The following IMMP2L variants were observed in gnomAD, a reference collection of about 807,000 sequenced individuals.
IMMP2L encodes the protein inner mitochondrial membrane peptidase subunit 2, also known as mitochondrial inner membrane protease subunit 2.
IMMP2L carries 18 observed loss-of-function variants against 19.3 expected under a neutral mutation model. That is an observed-to-expected ratio of 0.93 (90% confidence interval 0.64 to 1.38). The LOEUF is 1.38. IMMP2L is among the 40% of genes most tolerant of loss of function. IMMP2L has a pLI of 0.00. For synonymous variants in IMMP2L, 76 were observed against 73.0 expected (o/e 1.04, Z -0.21); for missense variants, 233 against 218.2 (o/e 1.07, Z -0.43).
chr7:110,735,438 A>G (rs1562945439), intron 5 of IMMP2L, among the ~76,000 whole-genome samples: 1 of 151,850 alleles, frequency 6.6e-6, no homozygotes, highest in Non-Finnish European at 1.5e-5. Context: ...TGAAACAACC[A>G]ACTTCAGGTG....
intron 5 of IMMP2L, among the ~76,000 whole-genome samples, chr7:110,796,669 G>A (rs541988356): frequency 5.3e-5 from 8 of 151,878 alleles, no homozygotes; most frequent in Non-Finnish European, 8.8e-5. Flanking sequence ...AACAGTTTAA[G>A]CTAGATAAGG....
chr7:111,068,471 T>C (rs892133567), intron 3 of IMMP2L, among the ~76,000 whole-genome samples: 9 of 152,134 alleles, frequency 5.9e-5, no homozygotes, highest in Non-Finnish European at 1.2e-4. Flanking sequence ...TGTCATTTTA[T>C]GAATATTTTG....
At chr7:111,242,510 G>A (rs1815212354) in intron 3 of IMMP2L, among the ~76,000 whole-genome samples, 1 of 152,040 alleles carries the variant, frequency 6.6e-6, no homozygotes. Flanking sequence ...AGTTTTTGGA[G>A]TGGGGAAAAA....
intron 3 of IMMP2L, among the ~76,000 whole-genome samples, chr7:111,427,496 C>G (rs1026946572): frequency 3.3e-5 from 5 of 151,694 alleles, no homozygotes; most frequent in Non-Finnish European, 7.4e-5. Flanking sequence ...TTTGTTAGTA[C>G]AAATAATAAT....
chr7:111,217,120 TCTCTCTCACACACACA>T (rs1301432401), intron 3 of IMMP2L, among the ~76,000 whole-genome samples: 1 of 137,814 alleles, frequency 7.3e-6, no homozygotes, highest in Admixed American at 7.0e-5. Flanking sequence ...TCTCTCTCTC[TCTCTCTCACACACACA>T]CACACACACA....
intron 5 of IMMP2L, among the ~76,000 whole-genome samples, chr7:110,856,184 C>T (rs1429546566): frequency 6.6e-6 from 1 of 151,910 alleles, no homozygotes; most frequent in Non-Finnish European, 1.5e-5. Flanking sequence ...ATCAAAATTA[C>T]TAAAGACACT....
chr7:111,214,328 CTTCTTTTTTT>C lies in IMMP2L; in HGVS notation c.240-250773_240-250764del, dbSNP rs1216176559. Among the ~76,000 whole-genome samples the C allele has an allele frequency of 9.4e-5, 8 of 85,122 alleles. 1 individual carries two copies. The highest frequency in any genetic ancestry group is 1.3e-4 in the Admixed American group (1 of 7,716). The allele number at this position is 85,122 out of a possible 152,430, so 55.8% of individuals were successfully genotyped here. On this transcript the variant is annotated intron_variant, in intron 3 of 5. Coordinates refer to ENST00000405709, the MANE Select transcript of IMMP2L (RefSeq NM_032549.4). ...GTGAATGAATGACAAAGTAATTTTT[CTTCTTTTTTT>C]TTTTTTTTTTTTTTTTTTTTGAGAC...
intron 3 of IMMP2L, among the ~76,000 whole-genome samples, chr7:111,052,978 G>A (rs4730474): frequency 0.93 from 142,247 of 152,270 alleles, 66,703 homozygotes; most frequent in East Asian, 0.99. Flanking sequence ...AGCTATATCT[G>A]TATCAGAGTG....
chr7:110,945,246 T>A (rs1001798092), intron 4 of IMMP2L, among the ~76,000 whole-genome samples: 20 of 151,948 alleles, frequency 1.3e-4, no homozygotes, highest in Admixed American at 7.3e-4. Context: ...TAACATTTTT[T>A]AAAAAGCAGG....
intron 5 of IMMP2L, among the ~76,000 whole-genome samples, chr7:110,789,838 C>A (rs73417264): frequency 0.014 from 2,089 of 151,606 alleles, 82 homozygotes; most frequent in African/African-American, 0.048. Flanking sequence ...TATTCCTTCT[C>A]CCTGGAATGT....
chr7:111,280,628 A>G (rs1819582482), intron 3 of IMMP2L, among the ~76,000 whole-genome samples: 1 of 152,174 alleles, frequency 6.6e-6, no homozygotes, highest in Non-Finnish European at 1.5e-5. Flanking sequence ...TGGTCTTCCG[A>G]GAAACTTGGT....
In IMMP2L at chr7:110,949,658, A is replaced by AT. The variant is rs540723845; in HGVS notation, c.305+13841dup. On this transcript the variant is annotated intron_variant, in intron 4 of 5. Coordinates refer to ENST00000405709, the MANE Select transcript of IMMP2L (RefSeq NM_032549.4). ...TATCAGAGTTGAATAGATTTCTCAGATAGTATGGCCTGCAAAACCAAGCCT... is the reference window on the plus strand; with the variant it reads ...TATCAGAGTTGAATAGATTTCTCAGATTAGTATGGCCTGCAAAACCAAGCCT... 4.8e-3 allele frequency among the ~76,000 whole-genome samples: 725 copies of AT among 152,298 alleles called. 3 individuals are homozygous for AT. Among genetic ancestry groups the AT allele is most frequent in the Middle Eastern group, 0.014 (4 of 294 alleles).
In IMMP2L at chr7:111,530,629, T is replaced by C. The variant is rs894139044; in HGVS notation, c.-2-9180A>G. On this transcript the variant is annotated intron_variant, in intron 1 of 5. Transcript: ENST00000405709. ...ACAGGGATAGATTATATAATATTCATTGAGGAAAGAATAAAAAGGAAGAAA... is the reference window on the plus strand; with the variant it reads ...ACAGGGATAGATTATATAATATTCACTGAGGAAAGAATAAAAAGGAAGAAA... Among the ~76,000 whole-genome samples the C allele has an allele frequency of 5.4e-4, 82 of 151,742 alleles. 1 individual carries two copies. The highest frequency in any genetic ancestry group is 1.9e-3 in the African/African-American group (79 of 41,360).
intron 4 of IMMP2L, among the ~76,000 whole-genome samples, chr7:110,952,724 A>C (rs562175511): frequency 6.6e-6 from 1 of 152,104 alleles, no homozygotes; most frequent in Non-Finnish European, 1.5e-5. Context: ...CTTCCTATTT[A>C]AGCTAAGTCA....
intron 5 of IMMP2L, among the ~76,000 whole-genome samples, chr7:110,755,358 T>C (rs1797976728): frequency 6.6e-6 from 1 of 152,012 alleles, no homozygotes. Context: ...TAGACAAAAA[T>C]AGAGAAAAGT....
Position 111,409,606 on chromosome 7 carries a change from T to C in IMMP2L, c.239+77632A>G, listed in dbSNP as rs951591657. ...GTATAACCTTGGTTAAATAATCTTA[T>C]GGTCTCTATATAAAGATTTGAAATT... On this transcript the variant is annotated intron_variant, in intron 3 of 5. Transcript: ENST00000405709. Among the ~76,000 whole-genome samples, 15 of 151,810 alleles carry C rather than the reference T, an allele frequency of 9.9e-5. 1 individual carries two copies. Among genetic ancestry groups the C allele is most frequent in the African/African-American group, 3.2e-4 (13 of 41,170 alleles).
intron 3 of IMMP2L, among the ~76,000 whole-genome samples, chr7:111,240,204 A>G (rs1454681489): frequency 1.3e-5 from 2 of 151,958 alleles, no homozygotes; most frequent in East Asian, 1.9e-4. Context: ...TCAAAAATCA[A>G]TGTCACACTA....
At chr7:110,730,318 C>T (rs765872593) in intron 5 of IMMP2L, among the ~76,000 whole-genome samples, 7 of 152,070 alleles carry the variant, frequency 4.6e-5, no homozygotes, top group African/African-American at 9.7e-5. Flanking sequence ...AGAGCAGACT[C>T]GCTGAGTCTC....
intron 3 of IMMP2L, among the ~76,000 whole-genome samples, chr7:111,011,299 G>A (rs34721514): frequency 0.11 from 17,418 of 152,036 alleles, 1,117 homozygotes; most frequent in Middle Eastern, 0.2. Context: ...ATTCAGTAAC[G>A]CTTATAACTA....
Sources: allele counts gnomAD v4.1 joint callset (sites outside exome capture counted in the v4.1 genomes callset), GRCh38; gene constraint gnomAD v4.1.1; transcripts MANE v1.5; gene names NCBI Gene and HGNC (gene_info 2026-07-23, HGNC 2026-07-21).